The following KCNIP4 variants were observed in gnomAD, a reference collection of about 807,000 sequenced individuals.
The protein encoded by KCNIP4 is Kv channel-interacting protein 4.
KCNIP4 carries 12 observed loss-of-function variants against 34.0 expected under a neutral mutation model. The observed-to-expected ratio is 0.35, with a 90% CI of 0.23 to 0.57. The LOEUF is 0.57. Among genes scored for constraint, KCNIP4 ranks in the 20% least tolerant of loss-of-function variants. The probability of loss-of-function intolerance (pLI) is 0.83; values close to 1 mark genes in which losing one functional copy is unlikely to be tolerated. For missense variants in KCNIP4, 238 were observed against 311.7 expected (o/e 0.76, Z 1.78); for synonymous variants, 124 against 102.2 (o/e 1.21, Z -1.29).
chr4:21,075,914 A>T (rs1489400740), intron 1 of KCNIP4, among the ~76,000 whole-genome samples: 1 of 152,118 alleles, frequency 6.6e-6, no homozygotes, highest in Non-Finnish European at 1.5e-5. Context: ...GTTTGGCTGG[A>T]TATGAAATTC....
chr4:21,626,568 C>G (rs535191319), intron 1 of KCNIP4, among the ~76,000 whole-genome samples: 10 of 151,952 alleles, frequency 6.6e-5, no homozygotes, highest in African/African-American at 1.9e-4. Flanking sequence ...GCTACTCAGG[C>G]CATGGTGTTT....
At chr4:21,427,068 G>T (rs1337034772) in intron 1 of KCNIP4, among the ~76,000 whole-genome samples, 1 of 151,990 alleles carries the variant, frequency 6.6e-6, no homozygotes, top group Non-Finnish European at 1.5e-5. Context: ...CCTAATTTGG[G>T]TTGGAATTTT....
chr4:21,883,107 C>T (rs192515362), intron 1 of KCNIP4, among the ~76,000 whole-genome samples: 8 of 150,722 alleles, frequency 5.3e-5, no homozygotes, highest in Non-Finnish European at 1.2e-4. Context: ...GGCAAATAAG[C>T]TTTATAAAAG....
chr4:21,032,473 C>T (rs1252510630), intron 1 of KCNIP4, among the ~76,000 whole-genome samples: 1 of 152,052 alleles, frequency 6.6e-6, no homozygotes, highest in African/African-American at 2.4e-5. Context: ...ACATATGACT[C>T]AGAGCAAACA....
At chr4:21,288,269 A>C (rs1467666142) in intron 1 of KCNIP4, among the ~76,000 whole-genome samples, 3 of 152,212 alleles carry the variant, frequency 2.0e-5, no homozygotes, top group Non-Finnish European at 4.4e-5. Context: ...CTGTACCCAC[A>C]ACCTTATAAC....
chr4:21,254,419 A>G lies in KCNIP4; in HGVS notation c.62-371710T>C, dbSNP rs141323709. ...TGGAGTATTTGCTTGTGATGAATGC[A>G]TATTCCCAGTCTTCACTGCAGACCT... On this transcript the variant is annotated intron_variant, in intron 1 of 8. Transcript: ENST00000382152. Among the ~76,000 whole-genome samples, 198 of 152,318 alleles carry G rather than the reference A, an allele frequency of 1.3e-3. 1 individual carries two copies. The highest frequency in any genetic ancestry group is 2.5e-3 in the Non-Finnish European group (169 of 68,034).
intron 1 of KCNIP4, among the ~76,000 whole-genome samples, chr4:21,646,822 T>C (rs1299801077): frequency 6.6e-6 from 1 of 152,196 alleles, no homozygotes; most frequent in Non-Finnish European, 1.5e-5. Flanking sequence ...GCATTAAACA[T>C]GAACAACTTT....
chr4:21,553,804 C>A (rs1372327710), intron 1 of KCNIP4, among the ~76,000 whole-genome samples: 3 of 152,074 alleles, frequency 2.0e-5, no homozygotes, highest in African/African-American at 7.2e-5. Context: ...TGTCTGTTCT[C>A]CACCTTTCCC....
chr4:20,878,509 TAA>T (rs1724312173), intron 2 of KCNIP4, among the ~76,000 whole-genome samples: 1 of 152,210 alleles, frequency 6.6e-6, no homozygotes. Flanking sequence ...ACTTCTGCTA[TAA>T]CACTTATCAC....
Position 21,455,706 on chromosome 4 carries a change from CT to C in KCNIP4, c.61+492864del, listed in dbSNP as rs200338093. Among the ~76,000 whole-genome samples the C allele has an allele frequency of 3.7e-3, 540 of 147,676 alleles. 4 individuals carry two copies. The highest frequency in any genetic ancestry group is 7.2e-3 in the Middle Eastern group (2 of 278). On this transcript the variant is annotated intron_variant, in intron 1 of 8. Transcript: ENST00000382152. ...CAACCAAGTTTCTATCTACAACACC[CT>C]TTTTTTTCTTTTTCCTCTCTCCCTC...
intron 6 of KCNIP4, among the ~76,000 whole-genome samples, chr4:20,733,853 C>G (rs1207104571): frequency 6.6e-6 from 1 of 152,176 alleles, no homozygotes; most frequent in Non-Finnish European, 1.5e-5. Flanking sequence ...CCCATTACTA[C>G]TTATCAGGCT....
rs372690640 is a variant in KCNIP4 at position 21,659,452 on chromosome 4, T to C, written c.61+289119A>G. On this transcript the variant is annotated intron_variant, in intron 1 of 8. Coordinates refer to ENST00000382152, the MANE Select transcript of KCNIP4 (RefSeq NM_025221.6). ...ATACATTTAATGGTTACCTTACTAG[T>C]TTTTCAATAAAATAACAACCTCTTA... Among the ~76,000 whole-genome samples, 383 of 152,254 alleles carry C rather than the reference T, an allele frequency of 2.5e-3. 4 individuals carry two copies. Among genetic ancestry groups the C allele is most frequent in the African/African-American group, 8.7e-3 (361 of 41,554 alleles).
At position 21,519,781 on chromosome 4, in the gene KCNIP4, G is replaced by A. The variant is rs1162388342; in HGVS notation, c.61+428790C>T. 2.9e-5 allele frequency among the ~76,000 whole-genome samples: 4 copies of A among 135,706 alleles called. No homozygotes were observed. The East Asian group carries it at 7.1e-4, about 24-fold the overall frequency. 89.0% of individuals were successfully genotyped at this position (135,706 alleles called of 152,430 possible). The stretch of plus-strand genomic sequence containing the variant: ...TATGTATGTGTGTATACACACGTGT[G>A]TGTATGTGTGTGTATACACGTGTGT... On this transcript the variant is annotated intron_variant, in intron 1 of 8. Transcript: ENST00000382152.
chr4:20,980,457 A>G (rs1338957969), intron 1 of KCNIP4, among the ~76,000 whole-genome samples: 1 of 152,202 alleles, frequency 6.6e-6, no homozygotes, highest in Non-Finnish European at 1.5e-5. Context: ...TTTGAGTCCT[A>G]AGTCATGAAT....
chr4:21,555,618 T>C (rs1409340804), intron 1 of KCNIP4, among the ~76,000 whole-genome samples: 1 of 152,064 alleles, frequency 6.6e-6, no homozygotes, highest in Middle Eastern at 3.2e-3. Flanking sequence ...TCTTTGGATA[T>C]GAAATAGAAA....
intron 1 of KCNIP4, among the ~76,000 whole-genome samples, chr4:21,353,270 T>C (rs772139935): frequency 1.2e-4 from 18 of 152,112 alleles, no homozygotes; most frequent in Non-Finnish European, 2.2e-4. Flanking sequence ...TCACCTGTAA[T>C]GGAACAATGC....
chr4:20,779,759 A>G (rs1343169529), intron 3 of KCNIP4, among the ~76,000 whole-genome samples: 2 of 152,098 alleles, frequency 1.3e-5, no homozygotes, highest in African/African-American at 4.8e-5. Context: ...AAGGGATATG[A>G]TGATGGACCA....
intron 1 of KCNIP4, among the ~76,000 whole-genome samples, chr4:21,647,864 T>C (rs996449038): frequency 2.2e-3 from 93 of 42,436 alleles, no homozygotes; most frequent in African/African-American, 0.019. Flanking sequence ...ACAATGATGC[T>C]TTTTTTTTTT....
intron 1 of KCNIP4, among the ~76,000 whole-genome samples, chr4:21,812,749 T>C (rs1560733110): frequency 6.6e-6 from 1 of 152,316 alleles, no homozygotes; most frequent in South Asian, 2.1e-4. Flanking sequence ...ACAAAGATCC[T>C]GGGCTCTTAC....
Sources: gnomAD v4.1 joint callset for allele counts (sites outside exome capture counted in the v4.1 genomes callset) on GRCh38, gnomAD v4.1.1 for gene constraint, MANE v1.5 for transcripts, NCBI Gene and HGNC (gene_info 2026-07-23, HGNC 2026-07-21) for gene names.